The following NUP210L variants were observed in gnomAD, a reference collection of about 807,000 sequenced individuals.
NUP210L encodes nucleoporin 210 like.
In NUP210L, 74 loss-of-function variants were observed where a neutral mutation model predicts 208.5. The ratio of observed to expected loss-of-function variants is 0.35; its 90% CI spans 0.29 to 0.43. The LOEUF (loss-of-function observed/expected upper bound fraction) is 0.43. NUP210L is among the 20% of genes least tolerant of loss of function. The pLI, the probability that NUP210L is intolerant of heterozygous loss-of-function variation, is 1.00. For synonymous variants in NUP210L, 780 were observed against 816.9 expected, an observed-to-expected ratio of 0.95 and a Z score of 0.77; for missense variants, 1,843 against 2,289.4, an observed-to-expected ratio of 0.81 and a Z score of 3.98.
At chr1:154,090,880 T>G (rs1245598689) in intron 15 of NUP210L, among the ~76,000 whole-genome samples, 1 of 151,412 alleles carries the variant, frequency 6.6e-6, no homozygotes, top group South Asian at 2.1e-4. Flanking sequence ...GGAACCCTTG[T>G]GCACTGTTGG....
chr1:154,030,014 A>G (rs1353480802), exon 28 of NUP210L: 2 of 1,610,190 alleles, frequency 1.2e-6, no homozygotes, highest in East Asian at 2.2e-5. Flanking sequence ...TGTATGGACA[A>G]CCATGGCAAA....
At chr1:154,109,432 T>C (rs1314998838) in intron 12 of NUP210L, among the ~76,000 whole-genome samples, 1 of 151,654 alleles carries the variant, frequency 6.6e-6, no homozygotes, top group Non-Finnish European at 1.5e-5. Context: ...TAGACCTCAC[T>C]ACATTAATAG....
intron 16 of NUP210L, among the ~76,000 whole-genome samples, chr1:154,075,895 T>C (rs1475795273): frequency 6.6e-6 from 1 of 151,618 alleles, no homozygotes; most frequent in African/African-American, 2.4e-5. Flanking sequence ...ACTCAAGCAA[T>C]CCTCCCACCT....
chr1:154,065,297 A>G (rs946584338), intron 17 of NUP210L, among the ~76,000 whole-genome samples: 29 of 151,046 alleles, frequency 1.9e-4, no homozygotes, highest in Admixed American at 1.9e-3. Flanking sequence ...GCATGCACCT[A>G]CAGTCCTAGC....
intron 16 of NUP210L, among the ~76,000 whole-genome samples, chr1:154,080,663 C>T (rs113524343): frequency 8.2e-4 from 124 of 151,182 alleles, no homozygotes; most frequent in African/African-American, 2.3e-3. Context: ...CCAGCCTAAG[C>T]GACAGAGCGA....
At chr1:154,148,996 AACACAAGCAGCTGTG>A (rs1017345536) in intron 2 of NUP210L, among the ~76,000 whole-genome samples, 1 of 152,122 alleles carries the variant, frequency 6.6e-6, no homozygotes, top group African/African-American at 2.4e-5. Flanking sequence ...CACAATGGCA[AACACAAGCAGCTGTG>A]ACCTTACATA....
At chr1:154,145,976 G>A (rs1428579809) in intron 2 of NUP210L, among the ~76,000 whole-genome samples, 13 of 152,006 alleles carry the variant, frequency 8.6e-5, no homozygotes, top group African/African-American at 3.1e-4. Flanking sequence ...GGCTAGTCTA[G>A]AACACCTGGC....
chr1:154,109,198 A>G (rs1213698903), intron 12 of NUP210L, among the ~76,000 whole-genome samples: 1 of 151,730 alleles, frequency 6.6e-6, no homozygotes, highest in Non-Finnish European at 1.5e-5. Flanking sequence ...AAGAGATGGA[A>G]AAAGATTCCA....
intron 25 of NUP210L, among the ~76,000 whole-genome samples, chr1:154,048,252 C>T (rs1653295424): frequency 6.6e-6 from 1 of 152,042 alleles, no homozygotes; most frequent in Non-Finnish European, 1.5e-5. Context: ...AAAGTAGTTG[C>T]CCCAGTGACT....
At chr1:154,052,991 A>G (rs1362511029) in intron 25 of NUP210L, among the ~76,000 whole-genome samples, 1 of 152,242 alleles carries the variant, frequency 6.6e-6, no homozygotes, top group South Asian at 2.1e-4. Context: ...GTGTAGTGGC[A>G]CTTCAACCTC....
exon 21 of NUP210L, chr1:154,058,577 A>T: frequency 6.2e-7 from 1 of 1,613,338 alleles, no homozygotes; most frequent in Non-Finnish European, 8.5e-7. Flanking sequence ...TATCAATCAG[A>T]TCAAGCTCCA....
At chr1:154,104,341 T>C (rs967927619) in intron 12 of NUP210L, 131 bp from the exon 13 acceptor site, 1 of 701,172 alleles carries the variant, frequency 1.4e-6, no homozygotes, top group African/African-American at 1.8e-5. Flanking sequence ...TGAATGACTA[T>C]CCATACAAGA....
At chr1:154,155,065 T>A in exon 1 of NUP210L, 1 of 1,568,906 alleles carries the variant, frequency 6.4e-7, no homozygotes, top group South Asian at 1.1e-5. Context: ...AGGTCTCGGG[T>A]TCCCGCTCAA....
At chr1:154,098,103 G>A (rs924715234) in intron 14 of NUP210L, among the ~76,000 whole-genome samples, 1 of 152,234 alleles carries the variant, frequency 6.6e-6, no homozygotes, top group Non-Finnish European at 1.5e-5. Context: ...TTGCTGCAGT[G>A]GGACAGGCAG....
intron 37 of NUP210L, among the ~76,000 whole-genome samples, chr1:153,998,887 T>C (rs1027209252): frequency 1.3e-5 from 2 of 151,834 alleles, no homozygotes; most frequent in Non-Finnish European, 2.9e-5. Flanking sequence ...GCTAATTCTT[T>C]TGATTTTTAG....
chr1:154,088,124 G>A (rs1362841624), intron 16 of NUP210L, among the ~76,000 whole-genome samples: 2 of 152,112 alleles, frequency 1.3e-5, no homozygotes, highest in African/African-American at 4.8e-5. Flanking sequence ...GATCCCTTGA[G>A]CCCAGGAGTT....
intron 27 of NUP210L, among the ~76,000 whole-genome samples, chr1:154,038,997 A>G (rs527744017): frequency 6.6e-5 from 10 of 152,114 alleles, no homozygotes; most frequent in Non-Finnish European, 1.3e-4. Context: ...TATTTTTAGT[A>G]GGTTCATCTT....
intron 16 of NUP210L, among the ~76,000 whole-genome samples, chr1:154,081,613 G>A (rs991782026): frequency 1.3e-5 from 2 of 152,164 alleles, no homozygotes; most frequent in Non-Finnish European, 2.9e-5. Context: ...GGCTGGTGAT[G>A]GAGTTTAATC....
intron 7 of NUP210L, among the ~76,000 whole-genome samples, chr1:154,130,996 G>A (rs1237713096): frequency 1.3e-5 from 2 of 152,086 alleles, no homozygotes; most frequent in South Asian, 2.1e-4. Flanking sequence ...GCCGGGCGTC[G>A]TGAATCACGC....
Sources: allele counts gnomAD v4.1 joint callset (sites outside exome capture counted in the v4.1 genomes callset), GRCh38; gene constraint gnomAD v4.1.1; transcripts MANE v1.5; gene names NCBI Gene and HGNC (gene_info 2026-07-23, HGNC 2026-07-21).